Variants in SOX5 observed in about 807,000 individuals in gnomAD.
The protein encoded by SOX5 is transcription factor SOX-5.
In SOX5, 9 loss-of-function variants were observed where a neutral mutation model predicts 92.0. The ratio of observed to expected loss-of-function variants is 0.10; its 90% CI spans 0.06 to 0.17. The LOEUF (loss-of-function observed/expected upper bound fraction) is 0.17. SOX5 is among the 10% of genes least tolerant of loss of function. The pLI is 1.00. For synonymous variants in SOX5, 344 were observed against 336.3 expected (o/e 1.02, Z -0.25); for missense variants, 642 against 944.5 (o/e 0.68, Z 4.20).
chr12:23,676,781 C>G (rs1471051824), intron 6 of SOX5, among the ~76,000 whole-genome samples: 2 of 152,124 alleles, frequency 1.3e-5, no homozygotes. Context: ...GCGGAAAAAC[C>G]TAAGTTAACA....
intron 7 of SOX5, among the ~76,000 whole-genome samples, chr12:23,645,212 G>T (rs896621017): frequency 6.6e-6 from 1 of 152,170 alleles, no homozygotes; most frequent in South Asian, 2.1e-4. Context: ...AGTTACAGAT[G>T]AAAATAAGAG....
intron 4 of SOX5, among the ~76,000 whole-genome samples, chr12:24,065,569 C>G (rs560601285): frequency 6.7e-6 from 1 of 148,646 alleles, no homozygotes; most frequent in South Asian, 2.1e-4. Flanking sequence ...ATCGCTTGAA[C>G]CCGGGAGGCA....
chr12:24,424,817 G>GT (rs1566129582), intron 1 of SOX5, among the ~76,000 whole-genome samples: 1 of 150,082 alleles, frequency 6.7e-6, no homozygotes, highest in East Asian at 2.0e-4. Context: ...TTGGGGGGGG[G>GT]GGATGGCTGT....
intron 3 of SOX5, among the ~76,000 whole-genome samples, chr12:24,270,889 C>T (rs1278083918): frequency 6.6e-6 from 1 of 152,120 alleles, no homozygotes; most frequent in East Asian, 1.9e-4. Flanking sequence ...TGTCATTGTA[C>T]GATTGTTCTA....
chr12:24,311,990 A>G (rs1247290874), intron 2 of SOX5, among the ~76,000 whole-genome samples: 1 of 152,184 alleles, frequency 6.6e-6, no homozygotes, highest in Non-Finnish European at 1.5e-5. Context: ...CCTTTAAAAG[A>G]AGTGATTTTA....
At chr12:23,918,473 C>A (rs537048914) in intron 1 of SOX5, among the ~76,000 whole-genome samples, 6 of 152,202 alleles carry the variant, frequency 3.9e-5, no homozygotes, top group East Asian at 1.9e-4. Context: ...AAAATGAGAT[C>A]GAAAATTTTG....
At chr12:23,974,147 C>T (rs970524554) in intron 4 of SOX5, among the ~76,000 whole-genome samples, 9 of 151,920 alleles carry the variant, frequency 5.9e-5, no homozygotes, top group East Asian at 5.8e-4. Flanking sequence ...AAAACATATA[C>T]GAATGTAGTC....
rs574545358 is a variant in SOX5 at position 24,026,906 on chromosome 12, C to A, written c.-1-130882G>T. Among the ~76,000 whole-genome samples, 4 of 152,044 alleles carry A rather than the reference C, an allele frequency of 2.6e-5. No homozygotes were observed. In the East Asian group the frequency reaches 7.7e-4, roughly 29 times the overall value. On this transcript the variant is annotated intron_variant, in intron 4 of 4. Coordinates refer to the SOX5 transcript ENST00000446891. The stretch of plus-strand genomic sequence containing the variant: ...AAGAAAGATTTATAAACAGCTGAGC[C>A]TTTAAAGGTTAATTTTAAAGCCAGG...
intron 4 of SOX5, among the ~76,000 whole-genome samples, chr12:24,054,055 A>G (rs1243696608): frequency 1.3e-5 from 2 of 152,198 alleles, no homozygotes; most frequent in Non-Finnish European, 2.9e-5. Flanking sequence ...CGTCAAGAAA[A>G]ATCGAAAGAT....
At chr12:24,257,128 A>G (rs763879544) in intron 3 of SOX5, among the ~76,000 whole-genome samples, 1 of 152,200 alleles carries the variant, frequency 6.6e-6, no homozygotes, top group Non-Finnish European at 1.5e-5. Context: ...CACCTAATAA[A>G]TGGAACCATG....
At chr12:23,766,645 A>G (rs891993290) in intron 3 of SOX5, among the ~76,000 whole-genome samples, 2 of 152,172 alleles carry the variant, frequency 1.3e-5, no homozygotes, top group African/African-American at 2.4e-5. Context: ...TTCTTCTTAG[A>G]AAGTTAAAAG....
At chr12:23,682,001 C>T (rs898081403) in intron 6 of SOX5, among the ~76,000 whole-genome samples, 2 of 151,392 alleles carry the variant, frequency 1.3e-5, no homozygotes, top group African/African-American at 4.8e-5. Flanking sequence ...CATTTTAGCA[C>T]AACTTTCTTA....
At chr12:24,124,295 T>A (rs1183071479) in intron 4 of SOX5, among the ~76,000 whole-genome samples, 1 of 152,162 alleles carries the variant, frequency 6.6e-6, no homozygotes, top group African/African-American at 2.4e-5. Context: ...ACCATCTGCA[T>A]AGAAATTACT....
At chr12:23,859,361 T>G (rs955348698) in intron 2 of SOX5, among the ~76,000 whole-genome samples, 1 of 152,190 alleles carries the variant, frequency 6.6e-6, no homozygotes, top group African/African-American at 2.4e-5. Context: ...GGAATGTTTG[T>G]CTTATGCAGT....
intron 3 of SOX5, among the ~76,000 whole-genome samples, chr12:24,252,595 T>C (rs925960117): frequency 3.9e-5 from 6 of 151,980 alleles, no homozygotes; most frequent in Non-Finnish European, 7.4e-5. Context: ...TCTAAAAATA[T>C]ACCTCTTTTA....
intron 6 of SOX5, among the ~76,000 whole-genome samples, chr12:23,706,736 T>C (rs1214873797): frequency 2.0e-5 from 3 of 151,976 alleles, no homozygotes; most frequent in African/African-American, 7.2e-5. Context: ...AATTCTCTAT[T>C]TTAAAACCTT....
At chr12:24,216,342 G>A (rs543815193) in intron 3 of SOX5, among the ~76,000 whole-genome samples, 265 of 152,260 alleles carry the variant, frequency 1.7e-3, no homozygotes, top group African/African-American at 6.1e-3. Flanking sequence ...CATTTAGCCG[G>A]GCGTGGTGGC....
intron 9 of SOX5, among the ~76,000 whole-genome samples, chr12:23,602,688 CACAG>C (rs2074666537): frequency 6.6e-6 from 1 of 152,052 alleles, no homozygotes; most frequent in African/African-American, 2.4e-5. Context: ...AATAATACCT[CACAG>C]ACACACATTG....
chr12:23,584,745 GTGTA>G, intron 9 of SOX5: 4 of 577,820 alleles, frequency 6.9e-6, no homozygotes, highest in Non-Finnish European at 1.2e-5. Context: ...GTGTGTGTGT[GTGTA>G]TGTGTGTGTG....
Sources: allele counts gnomAD v4.1 joint callset (sites outside exome capture counted in the v4.1 genomes callset), GRCh38; gene constraint gnomAD v4.1.1; transcripts MANE v1.5; gene names NCBI Gene and HGNC (gene_info 2026-07-23, HGNC 2026-07-21).